SLC26A7: variants seen among roughly 807,000 people sequenced by gnomAD.
SLC26A7 encodes anion exchange transporter.
A neutral mutation model predicts 82.5 loss-of-function variants in SLC26A7; 59 were observed. That is an observed-to-expected ratio of 0.72 (90% CI 0.58 to 0.89). The LOEUF (loss-of-function observed/expected upper bound fraction) is 0.89. Ranked by LOEUF, SLC26A7 falls within the 40% of genes least tolerant of loss-of-function variation. The probability of loss-of-function intolerance (pLI) is 0.00; values close to 1 mark genes in which losing one functional copy is unlikely to be tolerated. For synonymous variants in SLC26A7, 271 were observed against 274.3 expected (o/e 0.99, Z 0.12); for missense variants, 820 against 793.0 (o/e 1.03, Z -0.41).
At chr8:91,211,544 T>C (rs1299583958) in intron 1 of SLC26A7, among the ~76,000 whole-genome samples, 1 of 149,984 alleles carries the variant, frequency 6.7e-6, no homozygotes. Context: ...TGGTAAGGAA[T>C]TGCTTTTATA....
chr8:91,338,167 T>C lies in SLC26A7; in HGVS notation c.813T>C (p.Phe271=), dbSNP rs376647265. ...VDLVLIIAAS[F]ACYCTNMENT... Reference sequence around the variant, plus strand: ...CCACACAGATTATTGCTGCATCATTTGCTTGTTATTGCACCAATATGGAAA... The same window carrying C: ...CCACACAGATTATTGCTGCATCATTCGCTTGTTATTGCACCAATATGGAAA... The change falls in exon 7 of 19, where the codon TTT becomes TTC. Residue 271 remains phenylalanine, a synonymous_variant. Coordinates refer to ENST00000276609, the MANE Select transcript of SLC26A7 (RefSeq NM_052832.4). 207 of 1,610,570 alleles carry C rather than the reference T, an allele frequency of 1.3e-4. 4 individuals carry two copies. In the South Asian group the frequency reaches 2.2e-3, roughly 17 times the overall value.
At chr8:91,353,404 G>A (rs970679728) in intron 11 of SLC26A7, among the ~76,000 whole-genome samples, 2 of 152,170 alleles carry the variant, frequency 1.3e-5, no homozygotes, top group African/African-American at 4.8e-5. Context: ...CATATAGGGT[G>A]AACCTCTTAA....
intron 1 of SLC26A7, among the ~76,000 whole-genome samples, chr8:91,218,354 A>ACG (rs56966857): frequency 1.3e-5 from 2 of 151,978 alleles, no homozygotes; most frequent in South Asian, 4.2e-4. Flanking sequence ...TATTTTGTAC[A>ACG]AATTATTTTG....
At chr8:91,321,418 G>C (rs78094118) in intron 5 of SLC26A7, among the ~76,000 whole-genome samples, 4,262 of 152,280 alleles carry the variant, frequency 0.028, 180 homozygotes, top group African/African-American at 0.096. Context: ...TGGTTGGGCC[G>C]CTCTTTCTCT....
At chr8:91,358,811 C>T (rs183736352) in intron 11 of SLC26A7, among the ~76,000 whole-genome samples, 160 of 152,176 alleles carry the variant, frequency 1.1e-3, no homozygotes, top group African/African-American at 2.9e-3. Flanking sequence ...AACCATCATT[C>T]GCAGCAAACT....
At chr8:91,277,259 T>C (rs1236422510) in intron 2 of SLC26A7, among the ~76,000 whole-genome samples, 1 of 152,248 alleles carries the variant, frequency 6.6e-6, no homozygotes, top group Non-Finnish European at 1.5e-5. Context: ...AAAGGCATTA[T>C]CTCCTGAACA....
chr8:91,272,812 G>A (rs557649100), intron 2 of SLC26A7, among the ~76,000 whole-genome samples: 8 of 152,306 alleles, frequency 5.3e-5, no homozygotes, highest in Admixed American at 2.6e-4. Context: ...AGGGACATGT[G>A]TTTTACAATA....
At chr8:91,299,473 G>A (rs1247569991) in intron 4 of SLC26A7, among the ~76,000 whole-genome samples, 1 of 151,838 alleles carries the variant, frequency 6.6e-6, no homozygotes, top group African/African-American at 2.4e-5. Context: ...TTATGCTTGT[G>A]AGTGGTGTGT....
intron 1 of SLC26A7, among the ~76,000 whole-genome samples, chr8:91,217,527 T>G (rs1280247735): frequency 6.6e-6 from 1 of 152,158 alleles, no homozygotes; most frequent in Non-Finnish European, 1.5e-5. Flanking sequence ...TTGAACTGTC[T>G]TGCCTTATGT....
In SLC26A7 at chr8:91,232,779, C is replaced by T. The variant is rs568056796; in HGVS notation, c.-34+13774C>T. ...AGAATCAGGCACTGCCTATGCCTAA[C>T]AGGCTTGTAATACACCTCTATGAAG... On this transcript the variant is annotated intron_variant, in intron 2 of 5. Transcript: ENST00000522862. 5.6e-4 allele frequency among the ~76,000 whole-genome samples: 85 copies of T among 152,356 alleles called. 4 individuals carry two copies. In the South Asian group the frequency reaches 0.017, roughly 31 times the overall value.
At chr8:91,291,553 A>G (rs1353997756) in intron 3 of SLC26A7, among the ~76,000 whole-genome samples, 1 of 152,224 alleles carries the variant, frequency 6.6e-6, no homozygotes, top group African/African-American at 2.4e-5. Context: ...AACCCAAGAT[A>G]AAAGAAAAAG....
At chr8:91,380,230 C>T (rs1008708398) in intron 15 of SLC26A7, among the ~76,000 whole-genome samples, 2 of 152,042 alleles carry the variant, frequency 1.3e-5, no homozygotes, top group Non-Finnish European at 2.9e-5. Flanking sequence ...TATCACTCAT[C>T]TGAAATGTTT....
intron 11 of SLC26A7, among the ~76,000 whole-genome samples, chr8:91,358,884 GA>G (rs1356936142): frequency 1.3e-5 from 2 of 152,044 alleles, no homozygotes; most frequent in Non-Finnish European, 2.9e-5. Context: ...TGAACAATGA[GA>G]ACACTCGGAC....
intron 9 of SLC26A7, among the ~76,000 whole-genome samples, chr8:91,351,302 A>G (rs1263090551): frequency 6.6e-6 from 1 of 152,138 alleles, no homozygotes; most frequent in African/African-American, 2.4e-5. Flanking sequence ...CCCATATCCC[A>G]TATAACTACT....
chr8:91,213,585 G>A (rs928548934), intron 1 of SLC26A7, among the ~76,000 whole-genome samples: 3 of 152,110 alleles, frequency 2.0e-5, no homozygotes, highest in African/African-American at 7.2e-5. Context: ...TTTAAAATTT[G>A]AGTTTAAATG....
chr8:91,256,253 G>A (rs1261492423), intron 2 of SLC26A7, among the ~76,000 whole-genome samples: 4 of 152,162 alleles, frequency 2.6e-5, no homozygotes, highest in Admixed American at 1.3e-4. Flanking sequence ...AAAATGTTGC[G>A]GTTTCTAATG....
intron 2 of SLC26A7, among the ~76,000 whole-genome samples, chr8:91,231,377 T>G (rs1810307809): frequency 6.6e-6 from 1 of 152,208 alleles, no homozygotes; most frequent in Admixed American, 6.5e-5. Context: ...TCCTTAGATG[T>G]TGTAGTCTCA....
At chr8:91,330,802 C>T (rs1187881460) in intron 5 of SLC26A7, among the ~76,000 whole-genome samples, 3 of 152,124 alleles carry the variant, frequency 2.0e-5, no homozygotes, top group Admixed American at 2.0e-4. Flanking sequence ...ATTCCAGATA[C>T]ATTCATACAT....
Position 91,394,731 on chromosome 8 carries a change from T to C in SLC26A7, c.1936-331T>C. 3.6e-6 allele frequency: 4 copies of C among 1,103,196 alleles called. No homozygotes were observed. In the South Asian group the frequency reaches 1.2e-4, roughly 32 times the overall value. The allele number at this position is 1,103,196 out of a possible 1,614,324, so 68.3% of individuals were successfully genotyped here. A position where few individuals can be genotyped will look rare whatever the true frequency, so the allele number is the denominator to read the frequency against. On this transcript the variant is annotated intron_variant, in intron 18 of 18. Coordinates refer to ENST00000276609, the MANE Select transcript of SLC26A7 (RefSeq NM_052832.4). ...TAACATATATTGAGTGCCCTCATTATATTCCAGGAATATTCTAAAAGCTTT... is the reference window on the plus strand; with the variant it reads ...TAACATATATTGAGTGCCCTCATTACATTCCAGGAATATTCTAAAAGCTTT...
Sources: allele counts gnomAD v4.1 joint callset (sites outside exome capture counted in the v4.1 genomes callset), GRCh38; gene constraint gnomAD v4.1.1; transcripts MANE v1.5; gene names NCBI Gene and HGNC (gene_info 2026-07-23, HGNC 2026-07-21).